PSMD12: variants seen among roughly 807,000 people sequenced by gnomAD.
The protein encoded by PSMD12 is proteasome 26S subunit, non-ATPase 12.
Under a neutral mutation model 62.9 loss-of-function variants are expected in PSMD12, and 8 were observed. The observed-to-expected ratio is 0.13, with a 90% confidence interval of 0.07 to 0.23. The LOEUF (loss-of-function observed/expected upper bound fraction) is 0.23, where lower values mean the gene tolerates loss of function less well. Ranked by LOEUF, PSMD12 falls within the 10% of genes least tolerant of loss-of-function variation. The pLI, the probability that PSMD12 is intolerant of heterozygous loss-of-function variation, is 1.00. For synonymous variants in PSMD12, 173 were observed against 187.4 expected (o/e 0.92, Z 0.63); for missense variants, 424 against 550.2 (o/e 0.77, Z 2.29).
chr17:67,354,080 A>G (rs987110178), intron 3 of PSMD12, among the ~76,000 whole-genome samples: 2 of 152,374 alleles, frequency 1.3e-5, no homozygotes, highest in East Asian at 3.9e-4. Flanking sequence ...CATTCCAAGC[A>G]CTTTACATAA....
At chr17:67,347,538 T>C in intron 5 of PSMD12, 53 bp from the exon 6 acceptor site, 6 of 1,491,740 alleles carry the variant, frequency 4.0e-6, no homozygotes, top group Non-Finnish European at 5.5e-6. Flanking sequence ...TTTTGTGAAT[T>C]GCAATAAAAT....
At position 67,340,417 on chromosome 17, in the gene PSMD12, CAATG is replaced by C; in HGVS notation, c.*422_*425del. ...TTCTACTAAATGACTGATAGCTTTA[CAATG>C]AGATTTGTTTTATTTAAAAAACACT... On this transcript the variant is annotated 3_prime_UTR_variant, in exon 11 of 11. Coordinates refer to ENST00000356126, the MANE Select transcript of PSMD12 (RefSeq NM_002816.5). The C allele has an allele frequency of 6.4e-6, 1 of 155,084 alleles. No homozygotes were observed. 9.6% of individuals were successfully genotyped at this position (155,084 alleles called of 1,614,324 possible).
At chr17:67,364,583 C>G (rs1254918863) in intron 1 of PSMD12, among the ~76,000 whole-genome samples, 2 of 152,206 alleles carry the variant, frequency 1.3e-5, no homozygotes, top group African/African-American at 4.8e-5. Context: ...GGTTGTCCTT[C>G]TCTAGAGCAA....
rs1401350868 is a variant in PSMD12 at position 67,338,579 on chromosome 17, T to C, written c.*2264A>G. ...AAAGAAAGACGAAAGAGGAGTTGGG[T>C]GCAGTGGCTCATGCCTGTAATCCCA... On this transcript the variant is annotated 3_prime_UTR_variant, in exon 11 of 11. Coordinates refer to ENST00000356126, the MANE Select transcript of PSMD12 (RefSeq NM_002816.5). 1 of 152,210 alleles carries C rather than the reference T, an allele frequency of 6.6e-6. No homozygotes were observed. The highest frequency in any genetic ancestry group is 2.4e-5 in the African/African-American group (1 of 41,440). The allele number at this position is 152,210 out of a possible 1,614,324, so 9.4% of individuals were successfully genotyped here. A position where few individuals can be genotyped will look rare whatever the true frequency, so the allele number is the denominator to read the frequency against.
intron 3 of PSMD12, among the ~76,000 whole-genome samples, chr17:67,354,647 T>A (rs1406753865): frequency 6.6e-6 from 1 of 152,180 alleles, no homozygotes; most frequent in African/African-American, 2.4e-5. Flanking sequence ...ATGGTTTGTC[T>A]AATAATTGTC....
chr17:67,363,322 T>A (rs1003551455), intron 1 of PSMD12, among the ~76,000 whole-genome samples: 5 of 152,296 alleles, frequency 3.3e-5, no homozygotes, highest in Admixed American at 2.0e-4. Flanking sequence ...TGGCTAATTT[T>A]AAAAATTTTT....
At chr17:67,366,355 C>T in intron 1 of PSMD12, 57 bp downstream of exon 1, 2 of 1,517,028 alleles carry the variant, frequency 1.3e-6, no homozygotes, top group Non-Finnish European at 9.0e-7. Flanking sequence ...CCTAAGCAGG[C>T]TCCGCGCCGT....
At chr17:67,345,961 A>C (rs2041961333) in intron 7 of PSMD12, 104 bp from the exon 8 acceptor site, 4 of 1,125,514 alleles carry the variant, frequency 3.6e-6, no homozygotes, top group Non-Finnish European at 3.8e-6. Context: ...TCAAATTTTA[A>C]AGTCTTGGCC....
At chr17:67,360,913 T>C (rs1167696206) in intron 1 of PSMD12, among the ~76,000 whole-genome samples, 1 of 152,250 alleles carries the variant, frequency 6.6e-6, no homozygotes, top group African/African-American at 2.4e-5. Context: ...CATCATTTCA[T>C]TTAATACAAT....
At chr17:67,351,542 T>A (rs995450998) in intron 3 of PSMD12, among the ~76,000 whole-genome samples, 2 of 152,008 alleles carry the variant, frequency 1.3e-5, no homozygotes, top group African/African-American at 4.8e-5. Context: ...AAACATTTAA[T>A]GTTTAAGCAG....
intron 4 of PSMD12, 22 bp from the exon 5 acceptor site, chr17:67,348,676 A>T: frequency 1.9e-6 from 3 of 1,591,518 alleles, no homozygotes; most frequent in Non-Finnish European, 2.6e-6. Context: ...AAATTTACAC[A>T]ATCAAAATTC....
At chr17:67,363,804 C>G (rs1264703460) in intron 1 of PSMD12, among the ~76,000 whole-genome samples, 4 of 152,142 alleles carry the variant, frequency 2.6e-5, no homozygotes, top group African/African-American at 9.7e-5. Flanking sequence ...AATCCCAGCA[C>G]TTTGGGAGGC....
chr17:67,366,564 C>T lies in PSMD12; in HGVS notation c.-45G>A. 1.3e-6 allele frequency: 2 copies of T among 1,535,916 alleles called. No individual in the cohort carries two copies. The highest frequency in any genetic ancestry group is 1.8e-6 in the Non-Finnish European group (2 of 1,134,374). On this transcript the variant is annotated 5_prime_UTR_variant, in exon 1 of 11. Transcript: ENST00000356126. ...CTTGCTGTCCCCCTGCTTCGGCCAC[C>T]ACTCGTCACCCACACCGGAAGTTGC...
chr17:67,365,443 T>C (rs1226541116), intron 1 of PSMD12, among the ~76,000 whole-genome samples: 1 of 152,184 alleles, frequency 6.6e-6, no homozygotes, highest in East Asian at 1.9e-4. Context: ...GCTTAGTGCA[T>C]GTAAGCACGG....
chr17:67,356,542 A>G (rs1296345792), intron 3 of PSMD12, among the ~76,000 whole-genome samples: 1 of 108,852 alleles, frequency 9.2e-6, no homozygotes, highest in Non-Finnish European at 1.9e-5. Flanking sequence ...TGGGCGACAG[A>G]GCGAGACTCC....
chr17:67,344,587 C>A lies in PSMD12; in HGVS notation c.1083+19G>T. ...TAAAGGTTAAAATAAAAATTGTCAT[C>A]TCTATGACAGATTCTTACATGTTCA... On this transcript the variant is annotated intron_variant, in intron 9 of 10. Coordinates refer to ENST00000356126, the MANE Select transcript of PSMD12 (RefSeq NM_002816.5). The A allele has an allele frequency of 6.4e-7, 1 of 1,563,994 alleles. No homozygotes were observed. Among genetic ancestry groups the A allele is most frequent in the Non-Finnish European group, 8.7e-7 (1 of 1,150,086 alleles).
intron 1 of PSMD12, among the ~76,000 whole-genome samples, chr17:67,357,791 A>G (rs1368667254): frequency 6.6e-6 from 1 of 152,226 alleles, no homozygotes; most frequent in East Asian, 1.9e-4. Flanking sequence ...CTTGAAGCCC[A>G]TAAGCTATTT....
chr17:67,351,394 A>AT (rs959371833), intron 3 of PSMD12, among the ~76,000 whole-genome samples: 4 of 113,032 alleles, frequency 3.5e-5, no homozygotes, highest in African/African-American at 1.1e-4. Context: ...TTGTCTCAAA[A>AT]TAATAATAAT....
At chr17:67,344,907 C>G in intron 8 of PSMD12, 127 bp from the exon 9 acceptor site, 2 of 757,184 alleles carry the variant, frequency 2.6e-6, no homozygotes, top group African/African-American at 1.8e-5. Context: ...AATGAGACAC[C>G]ATATGATTAT....
Sources: gnomAD v4.1 joint callset for allele counts (sites outside exome capture counted in the v4.1 genomes callset) on GRCh38, gnomAD v4.1.1 for gene constraint, MANE v1.5 for transcripts, NCBI Gene and HGNC (gene_info 2026-07-23, HGNC 2026-07-21) for gene names.